GRB10: variants seen among roughly 807,000 people sequenced by gnomAD.
The protein encoded by GRB10 is growth factor receptor bound protein 10, also known as growth factor receptor-bound protein 10.
In GRB10, 20 loss-of-function variants were observed where a neutral mutation model predicts 80.9. The ratio of observed to expected loss-of-function variants is 0.25; its 90% CI spans 0.17 to 0.36. GRB10 has a LOEUF of 0.36. Among genes scored for constraint, GRB10 ranks in the 10% least tolerant of loss-of-function variants. GRB10 has a pLI of 1.00. For synonymous variants in GRB10, 291 were observed against 291.5 expected, an observed-to-expected ratio of 1.00 and a Z score of 0.02; for missense variants, 548 against 747.7, an observed-to-expected ratio of 0.73 and a Z score of 3.12.
At chr7:50,756,282 C>T (rs907038724) in intron 2 of GRB10, among the ~76,000 whole-genome samples, 1 of 152,242 alleles carries the variant, frequency 6.6e-6, no homozygotes, top group Admixed American at 6.5e-5. Context: ...GGAAGATGCA[C>T]TGGGCTCTAC....
In GRB10 at chr7:50,592,697, T is replaced by C; in HGVS notation, c.*255A>G. 1.9e-6 allele frequency: 1 copy of C among 539,976 alleles called. No homozygotes were observed. Among genetic ancestry groups the C allele is most frequent in the South Asian group, 2.1e-5 (1 of 48,476 alleles). 33.4% of individuals were successfully genotyped at this position (539,976 alleles called of 1,614,324 possible). A position where few individuals can be genotyped will look rare whatever the true frequency, so the allele number is the denominator to read the frequency against. On this transcript the variant is annotated 3_prime_UTR_variant, in exon 19 of 19. Coordinates refer to ENST00000401949, the MANE Select transcript of GRB10 (RefSeq NM_001350814.2). ...CCAAGATGATCATTCCAGTTTATTT[T>C]CAACTTTCCGCTGGATCTTCCATGC...
chr7:50,746,705 C>T (rs1030384168), intron 3 of GRB10, among the ~76,000 whole-genome samples: 1 of 152,176 alleles, frequency 6.6e-6, no homozygotes, highest in African/African-American at 2.4e-5. Context: ...CTCCCATCCC[C>T]ACCCTTTTCA....
chr7:50,718,583 C>T (rs928245776), intron 4 of GRB10, among the ~76,000 whole-genome samples: 1 of 152,176 alleles, frequency 6.6e-6, no homozygotes, highest in African/African-American at 2.4e-5. Flanking sequence ...ACTCTCCAGC[C>T]TGGGTCTTAA....
intron 18 of GRB10, among the ~76,000 whole-genome samples, chr7:50,594,184 C>T (rs956377989): frequency 6.6e-6 from 1 of 152,184 alleles, no homozygotes; most frequent in African/African-American, 2.4e-5. Context: ...CTGGGCTCAA[C>T]CCCAGATTCT....
intron 3 of GRB10, among the ~76,000 whole-genome samples, chr7:50,749,683 T>G (rs1006533054): frequency 6.6e-5 from 10 of 152,200 alleles, no homozygotes; most frequent in Admixed American, 2.0e-4. Context: ...AATGCAATCA[T>G]CTACATCAAT....
At chr7:50,612,646 T>A (rs2049770576) in intron 13 of GRB10, 95 bp downstream of exon 13, 2 of 792,258 alleles carry the variant, frequency 2.5e-6, no homozygotes, top group East Asian at 5.2e-5. Flanking sequence ...GCGGAAAAGT[T>A]ACGAGCATTT....
At chr7:50,746,747 CA>C (rs1210702011) in intron 3 of GRB10, among the ~76,000 whole-genome samples, 1 of 152,122 alleles carries the variant, frequency 6.6e-6, no homozygotes. Context: ...TCCTGCAGAA[CA>C]CCCATATCAC....
At chr7:50,686,103 G>A (rs983342998) in intron 5 of GRB10, among the ~76,000 whole-genome samples, 3 of 152,174 alleles carry the variant, frequency 2.0e-5, no homozygotes, top group Non-Finnish European at 4.4e-5. Flanking sequence ...GAATATCTGT[G>A]TTCTCCCAAA....
chr7:50,616,461 C>T, intron 10 of GRB10, 114 bp from the exon 11 acceptor site: 1 of 988,958 alleles, frequency 1.0e-6, no homozygotes, highest in Middle Eastern at 2.4e-4. Flanking sequence ...CTTTTTGGAT[C>T]AAAATGAGAG....
In GRB10 at chr7:50,618,063, C is replaced by A. The variant is rs375777098; in HGVS notation, c.846+8G>T. On this transcript the variant is annotated splice_region_variant and intron_variant, in intron 10 of 18. Transcript: ENST00000401949. Reference sequence around the variant, plus strand: ...CTATTTCAGCAGAGATCTATTGTGGCCCAGTACCTGCAAAAGCTGGGTTTG... The same window carrying A: ...CTATTTCAGCAGAGATCTATTGTGGACCAGTACCTGCAAAAGCTGGGTTTG... 14 of 1,606,546 alleles carry A rather than the reference C, an allele frequency of 8.7e-6. No homozygotes were observed. In the African/African-American group the frequency reaches 1.7e-4, roughly 20 times the overall value.
chr7:50,713,576 T>C (rs1460635016), intron 4 of GRB10, among the ~76,000 whole-genome samples: 75 of 59,918 alleles, frequency 1.3e-3, no homozygotes, highest in African/African-American at 3.9e-3. Context: ...ACCATCTCCA[T>C]CCTCACCTCC....
chr7:50,759,206 A>G (rs1233517141), intron 2 of GRB10, among the ~76,000 whole-genome samples: 1 of 151,674 alleles, frequency 6.6e-6, no homozygotes, highest in Non-Finnish European at 1.5e-5. Flanking sequence ...AAAAAAAAAA[A>G]AAAGAAAAGA....
intron 5 of GRB10, among the ~76,000 whole-genome samples, chr7:50,687,040 G>A (rs1280509160): frequency 1.2e-4 from 18 of 152,126 alleles, no homozygotes; most frequent in East Asian, 7.7e-4. Context: ...CTCAGTACAC[G>A]TTAGTTGAGT....
At chr7:50,725,165 T>C (rs2068415148) in intron 4 of GRB10, among the ~76,000 whole-genome samples, 1 of 152,200 alleles carries the variant, frequency 6.6e-6, no homozygotes, top group Non-Finnish European at 1.5e-5. Flanking sequence ...AGGAGCCTGG[T>C]GGTAGGTGAC....
chr7:50,668,462 G>A (rs185306775), intron 7 of GRB10, among the ~76,000 whole-genome samples: 3 of 152,288 alleles, frequency 2.0e-5, no homozygotes, highest in Admixed American at 6.5e-5. Flanking sequence ...TTCTGAGGCC[G>A]GGTCACACTC....
chr7:50,737,923 A>T (rs970854353), intron 3 of GRB10, among the ~76,000 whole-genome samples: 3 of 152,194 alleles, frequency 2.0e-5, no homozygotes, highest in Non-Finnish European at 4.4e-5. Context: ...TCAACAACAA[A>T]AGACATAAGC....
upstream of GRB10, among the ~76,000 whole-genome samples, chr7:50,784,339 A>G (rs1190724445): frequency 6.6e-6 from 1 of 152,244 alleles, no homozygotes; most frequent in African/African-American, 2.4e-5. Flanking sequence ...TCCAGACTCC[A>G]GATATGAGAC....
intron 2 of GRB10, among the ~76,000 whole-genome samples, chr7:50,776,822 T>G (rs1000115024): frequency 1.1e-4 from 17 of 152,190 alleles, no homozygotes; most frequent in Non-Finnish European, 1.8e-4. Context: ...ACTACCAGCA[T>G]TCTGATCACA....
In GRB10 at chr7:50,714,418, C is replaced by T. The variant is rs537846912; in HGVS notation, c.52-10510G>A. On this transcript the variant is annotated intron_variant, in intron 4 of 18. Transcript: ENST00000401949. Reference sequence around the variant, plus strand: ...GTGGCTCATGCCTGTAATCCCAGCACTTTGGGAGGTCAAGGTATGCAGATC... The same window carrying T: ...GTGGCTCATGCCTGTAATCCCAGCATTTTGGGAGGTCAAGGTATGCAGATC... Among the ~76,000 whole-genome samples the T allele has an allele frequency of 5.9e-5, 9 of 152,302 alleles. No individual in the cohort carries two copies. The South Asian group carries it at 1.9e-3, about 32-fold the overall frequency.
Sources: gnomAD v4.1 joint callset for allele counts (sites outside exome capture counted in the v4.1 genomes callset) on GRCh38, gnomAD v4.1.1 for gene constraint, MANE v1.5 for transcripts, NCBI Gene and HGNC (gene_info 2026-07-23, HGNC 2026-07-21) for gene names.